XRCC6: variants seen among roughly 807,000 people sequenced by gnomAD.
XRCC6 encodes X-ray repair cross complementing 6, also known as DNA repair protein Ku70.
In XRCC6, 5 loss-of-function variants were observed where a neutral mutation model predicts 65.7. The ratio of observed to expected loss-of-function variants is 0.08; its 90% CI spans 0.04 to 0.16. XRCC6 has a LOEUF of 0.16. Ranked by LOEUF, XRCC6 falls within the 10% of genes least tolerant of loss-of-function variation. The probability of loss-of-function intolerance (pLI) is 1.00; values close to 1 mark genes in which losing one functional copy is unlikely to be tolerated. For missense variants in XRCC6, 447 were observed against 738.1 expected (o/e 0.61, Z 4.57); for synonymous variants, 270 against 270.6 (o/e 1.00, Z 0.02).
chr22:41,639,748 C>T (rs971539652), intron 6 of XRCC6, among the ~76,000 whole-genome samples: 40 of 145,490 alleles, frequency 2.7e-4, no homozygotes, highest in Non-Finnish European at 3.4e-4. Context: ...CTGCAAGCTC[C>T]GCCTCCCGGG....
intron 10 of XRCC6, among the ~76,000 whole-genome samples, chr22:41,657,643 C>T (rs1384617272): frequency 6.6e-6 from 1 of 151,652 alleles, no homozygotes; most frequent in Non-Finnish European, 1.5e-5. Context: ...CCTCAGACTC[C>T]TGAGTAGCTG....
intron 7 of XRCC6, chr22:41,647,994 T>C (rs940008754): frequency 7.1e-6 from 1 of 141,028 alleles, no homozygotes; most frequent in African/African-American, 2.6e-5. Flanking sequence ...TCCTTCCCTT[T>C]CCTTTTCTTT....
chr22:41,653,771 C>T (rs1179838421), intron 9 of XRCC6, 81 bp downstream of exon 9: 1 of 1,494,646 alleles, frequency 6.7e-7, no homozygotes, highest in African/African-American at 1.4e-5. Context: ...TGCAGACCTA[C>T]TGAATCATAG....
rs1432946844 is a variant in XRCC6, at chr22:41,656,876, C to T, written c.1292-27C>T. On this transcript the variant is annotated intron_variant, in intron 9 of 12. Transcript: ENST00000360079. ...GTGACTGCAACACTTGAAGTCAAAT[C>T]AAAGAAAATTTATCTCCTTTCTTCA... is the stretch of plus-strand genomic sequence containing the variant. 1.9e-6 allele frequency: 3 copies of T among 1,611,602 alleles called. No individual in the cohort carries two copies. In the South Asian group the frequency reaches 3.3e-5, roughly 18 times the overall value.
chr22:41,654,426 C>T (rs191044231), intron 9 of XRCC6, among the ~76,000 whole-genome samples: 1 of 152,194 alleles, frequency 6.6e-6, no homozygotes, highest in East Asian at 1.9e-4. Flanking sequence ...TGATCCAAAC[C>T]TAATTTCATC....
chr22:41,637,818 C>G, intron 6 of XRCC6, 27 bp downstream of exon 6: 1 of 1,604,748 alleles, frequency 6.2e-7, no homozygotes, highest in Non-Finnish European at 8.5e-7. Flanking sequence ...GGTCAGCTGC[C>G]TACACTGCCC....
At chr22:41,628,624 A>G (rs2067705098) in intron 3 of XRCC6, among the ~76,000 whole-genome samples, 1 of 152,162 alleles carries the variant, frequency 6.6e-6, no homozygotes, top group African/African-American at 2.4e-5. Flanking sequence ...GTTGGGGAAG[A>G]TGGCTACAAT....
intron 11 of XRCC6, among the ~76,000 whole-genome samples, chr22:41,660,678 GCTT>G (rs1163174147): frequency 6.6e-6 from 1 of 152,040 alleles, no homozygotes; most frequent in Admixed American, 6.6e-5. Context: ...AGTGCCTTCT[GCTT>G]CTTATCTTTC....
chr22:41,655,411 G>T (rs924105229), intron 9 of XRCC6, among the ~76,000 whole-genome samples: 1 of 151,472 alleles, frequency 6.6e-6, no homozygotes, highest in Non-Finnish European at 1.5e-5. Context: ...GAAGGAAAAA[G>T]AAATTCATCT....
intron 3 of XRCC6, among the ~76,000 whole-genome samples, chr22:41,631,452 G>A (rs1321152552): frequency 6.6e-6 from 1 of 150,800 alleles, no homozygotes; most frequent in Non-Finnish European, 1.5e-5. Flanking sequence ...CTTCTCAGAT[G>A]GGGCGGCTGG....
rs1162241938 is a variant in XRCC6 at position 41,625,892 on chromosome 22, T to C, written c.83-2226T>C. Among the ~76,000 whole-genome samples the C allele has an allele frequency of 3.3e-5, 5 of 152,164 alleles. 1 individual carries two copies. Among genetic ancestry groups the C allele is most frequent in the Admixed American group, 2.6e-4 (4 of 15,268 alleles). ...TGGAATCTCTGTCGCCAGGCTGGAG[T>C]GCAGTGACTAATCTCGGCTCGCTGC... On this transcript the variant is annotated intron_variant, in intron 2 of 12. Transcript: ENST00000360079.
At chr22:41,636,028 A>T in intron 3 of XRCC6, 85 bp from the exon 4 acceptor site, 1 of 1,254,300 alleles carries the variant, frequency 8.0e-7, no homozygotes, top group Non-Finnish European at 1.1e-6. Context: ...TTCAGTGCAC[A>T]TATTTTGAGC....
At chr22:41,659,018 G>A (rs571614416) in intron 11 of XRCC6, among the ~76,000 whole-genome samples, 2 of 152,152 alleles carry the variant, frequency 1.3e-5, no homozygotes, top group African/African-American at 2.4e-5. Flanking sequence ...ACTCGCAGCC[G>A]GGCGTAGTGG....
intron 11 of XRCC6, among the ~76,000 whole-genome samples, chr22:41,659,809 C>T (rs190425016): frequency 3.3e-5 from 5 of 152,020 alleles, no homozygotes; most frequent in Admixed American, 6.6e-5. Context: ...CTCAGCCTTC[C>T]GAGTAGCTGG....
intron 9 of XRCC6, 54 bp from the exon 10 acceptor site, chr22:41,656,849 A>T: frequency 6.2e-7 from 1 of 1,608,772 alleles, no homozygotes; most frequent in Non-Finnish European, 8.5e-7. Flanking sequence ...GCTGAGAAAC[A>T]AGTGACTGCA....
chr22:41,645,178 G>A (rs1460713813), intron 6 of XRCC6, among the ~76,000 whole-genome samples: 1 of 151,852 alleles, frequency 6.6e-6, no homozygotes, highest in Non-Finnish European at 1.5e-5. Context: ...GTGGGTGCCT[G>A]TAATCCCAGC....
intron 12 of XRCC6, among the ~76,000 whole-genome samples, chr22:41,662,165 G>A (rs1197022886): frequency 6.6e-6 from 1 of 152,092 alleles, no homozygotes; most frequent in Non-Finnish European, 1.5e-5. Flanking sequence ...ATACAACAGA[G>A]TGACTATAGT....
intron 2 of XRCC6, among the ~76,000 whole-genome samples, chr22:41,624,455 G>A (rs907857735): frequency 1.3e-4 from 19 of 151,830 alleles, no homozygotes; most frequent in South Asian, 4.1e-4. Context: ...GGGAGGCCGA[G>A]GCAGGTGGAT....
chr22:41,630,105 T>A (rs1224279145), intron 3 of XRCC6, among the ~76,000 whole-genome samples: 1 of 149,654 alleles, frequency 6.7e-6, no homozygotes, highest in African/African-American at 2.5e-5. Flanking sequence ...TGCCTCAGCC[T>A]CCCGAGTAGG....
Sources: allele counts gnomAD v4.1 joint callset (sites outside exome capture counted in the v4.1 genomes callset), GRCh38; gene constraint gnomAD v4.1.1; transcripts MANE v1.5; gene names NCBI Gene and HGNC (gene_info 2026-07-23, HGNC 2026-07-21).